Variants in HCN1 observed in about 807,000 individuals in gnomAD.
The protein encoded by HCN1 is hyperpolarization activated cyclic nucleotide gated potassium channel 1, also known as potassium/sodium hyperpolarization-activated cyclic nucleotide-gated channel 1.
In HCN1, 13 loss-of-function variants were observed where a neutral mutation model predicts 78.9. That is an observed-to-expected ratio of 0.16 (90% CI 0.11 to 0.26). The LOEUF (loss-of-function observed/expected upper bound fraction) is 0.26, where lower values mean the gene tolerates loss of function less well. HCN1 is among the 10% of genes least tolerant of loss of function. The pLI is 1.00. For missense variants in HCN1, 810 were observed against 1,154.3 expected (o/e 0.70, Z 4.32); for synonymous variants, 552 against 455.5 (o/e 1.21, Z -2.70).
chr5:45,639,676 C>T (rs1745417512), intron 2 of HCN1, among the ~76,000 whole-genome samples: 1 of 152,106 alleles, frequency 6.6e-6, no homozygotes, highest in Non-Finnish European at 1.5e-5. Context: ...CATTTTTTGA[C>T]AGCAAGAGTA....
At chr5:45,343,808 A>T (rs939400745) in intron 5 of HCN1, among the ~76,000 whole-genome samples, 2 of 152,190 alleles carry the variant, frequency 1.3e-5, no homozygotes, top group Middle Eastern at 3.4e-3. Context: ...CAGAATGAAA[A>T]TCCAATGGCT....
chr5:45,467,258 C>T (rs1741292583), intron 2 of HCN1, among the ~76,000 whole-genome samples: 1 of 152,124 alleles, frequency 6.6e-6, no homozygotes, highest in South Asian at 2.1e-4. Flanking sequence ...TTGTTCACTT[C>T]TTTCAAACCC....
At chr5:45,567,761 C>T (rs1204686938) in intron 2 of HCN1, among the ~76,000 whole-genome samples, 1 of 152,146 alleles carries the variant, frequency 6.6e-6, no homozygotes, top group African/African-American at 2.4e-5. Flanking sequence ...CTAACTCTGA[C>T]CCTTCACTTG....
intron 2 of HCN1, among the ~76,000 whole-genome samples, chr5:45,607,262 T>C (rs1188199379): frequency 6.6e-6 from 1 of 151,848 alleles, no homozygotes; most frequent in East Asian, 1.9e-4. Context: ...AGGCATTTAA[T>C]TTAAAAATAC....
intron 2 of HCN1, among the ~76,000 whole-genome samples, chr5:45,553,233 G>T (rs530000437): frequency 2.3e-3 from 355 of 151,930 alleles, no homozygotes; most frequent in African/African-American, 8.1e-3. Context: ...GTTGTCACAG[G>T]CTGTCACATA....
At chr5:45,436,328 C>T (rs1268888446) in intron 3 of HCN1, among the ~76,000 whole-genome samples, 1 of 152,142 alleles carries the variant, frequency 6.6e-6, no homozygotes, top group Non-Finnish European at 1.5e-5. Flanking sequence ...TATGTGAATG[C>T]TCCAGATGTT....
At chr5:45,297,106 A>G (rs1745511839) in intron 6 of HCN1, among the ~76,000 whole-genome samples, 1 of 152,056 alleles carries the variant, frequency 6.6e-6, no homozygotes, top group African/African-American at 2.4e-5. Flanking sequence ...ATATTTATTA[A>G]CAGCAAACCT....
At chr5:45,361,064 G>A (rs1433834805) in intron 4 of HCN1, among the ~76,000 whole-genome samples, 1 of 152,082 alleles carries the variant, frequency 6.6e-6, no homozygotes, top group Non-Finnish European at 1.5e-5. Flanking sequence ...TTTTCTCTGA[G>A]ATGGAGTTTC....
At chr5:45,606,586 A>G (rs1744730634) in intron 2 of HCN1, among the ~76,000 whole-genome samples, 1 of 151,962 alleles carries the variant, frequency 6.6e-6, no homozygotes, top group African/African-American at 2.4e-5. Flanking sequence ...ACAGGACAAA[A>G]GTCACAACTC....
At chr5:45,315,428 A>T (rs953932647) in intron 5 of HCN1, among the ~76,000 whole-genome samples, 13 of 152,322 alleles carry the variant, frequency 8.5e-5, no homozygotes, top group African/African-American at 2.9e-4. Context: ...TGTAGAGGGA[A>T]ATTTATAGCA....
At chr5:45,455,795 T>C (rs1318015000) in intron 3 of HCN1, among the ~76,000 whole-genome samples, 2 of 148,592 alleles carry the variant, frequency 1.3e-5, no homozygotes, top group African/African-American at 4.9e-5. Flanking sequence ...GTTGAGGGCA[T>C]TATAGCAGCT....
intron 3 of HCN1, among the ~76,000 whole-genome samples, chr5:45,397,327 GT>G (rs2112041458): frequency 6.6e-6 from 1 of 152,132 alleles, no homozygotes; most frequent in Non-Finnish European, 1.5e-5. Context: ...GCTGAATCTT[GT>G]TGGCTTTTTA....
rs753078636 is a variant in HCN1, at chr5:45,462,021, T to C, written c.850-14A>G. 1.9e-6 allele frequency: 3 copies of C among 1,607,732 alleles called. No homozygotes were observed. The highest frequency in any genetic ancestry group is 2.2e-5 in the South Asian group (2 of 90,612). ...CATGTGGAATATCTGTTGACCAAAA[T>C]ATAAAATCAATTCTTATAATCAATT... On this transcript the variant is annotated splice_polypyrimidine_tract_variant and intron_variant, in intron 2 of 7. Transcript: ENST00000303230.
intron 3 of HCN1, among the ~76,000 whole-genome samples, chr5:45,458,800 T>A (rs1024357542): frequency 3.3e-5 from 5 of 152,130 alleles, no homozygotes; most frequent in Non-Finnish European, 7.4e-5. Context: ...CAAAATAATG[T>A]TTACCTCATT....
At chr5:45,520,143 A>G (rs1418770704) in intron 2 of HCN1, among the ~76,000 whole-genome samples, 1 of 152,004 alleles carries the variant, frequency 6.6e-6, no homozygotes, top group Non-Finnish European at 1.5e-5. Flanking sequence ...CTGTCACAGT[A>G]CCTCATCTAT....
chr5:45,546,941 G>T (rs1377135066), intron 2 of HCN1, among the ~76,000 whole-genome samples: 1 of 151,804 alleles, frequency 6.6e-6, no homozygotes. Context: ...TATGTTTTCA[G>T]TCCGCATCGT....
At chr5:45,444,872 A>G (rs562109487) in intron 3 of HCN1, among the ~76,000 whole-genome samples, 25 of 152,088 alleles carry the variant, frequency 1.6e-4, no homozygotes, top group Admixed American at 1.1e-3. Context: ...TACATGTGCC[A>G]TGCTGGTGTG....
intron 3 of HCN1, among the ~76,000 whole-genome samples, chr5:45,410,037 A>C (rs998515624): frequency 6.6e-6 from 1 of 151,992 alleles, no homozygotes; most frequent in African/African-American, 2.4e-5. Flanking sequence ...TGTGCTTGCA[A>C]GTATTATTTT....
intron 4 of HCN1, among the ~76,000 whole-genome samples, chr5:45,364,047 C>G (rs181547112): frequency 2.0e-5 from 3 of 152,160 alleles, no homozygotes; most frequent in African/African-American, 4.8e-5. Context: ...CAAACTAAGA[C>G]AGTATTACAA....
Sources: allele counts gnomAD v4.1 joint callset (sites outside exome capture counted in the v4.1 genomes callset), GRCh38; gene constraint gnomAD v4.1.1; transcripts MANE v1.5; gene names NCBI Gene and HGNC (gene_info 2026-07-23, HGNC 2026-07-21).